The following TMEM132B variants were observed in gnomAD, a reference collection of about 807,000 sequenced individuals.
The protein encoded by TMEM132B is transmembrane protein 132B.
In TMEM132B, 18 loss-of-function variants were observed where a neutral mutation model predicts 90.8. The observed-to-expected ratio is 0.20, with a 90% CI of 0.14 to 0.29. The LOEUF (loss-of-function observed/expected upper bound fraction) is 0.29. Ranked by LOEUF, TMEM132B falls within the 10% of genes least tolerant of loss-of-function variation. The pLI is 1.00. For missense variants in TMEM132B, 1,096 were observed against 1,326.8 expected (o/e 0.83, Z 2.70); for synonymous variants, 504 against 523.3 (o/e 0.96, Z 0.50).
intron 3 of TMEM132B, among the ~76,000 whole-genome samples, chr12:125,457,852 G>A (rs1045439593): frequency 6.6e-6 from 1 of 152,216 alleles, no homozygotes; most frequent in African/African-American, 2.4e-5. Context: ...AAGGCCACAG[G>A]TGTACATGTC....
intron 4 of TMEM132B, among the ~76,000 whole-genome samples, chr12:125,560,831 CAAAAA>C (rs58083131): frequency 5.8e-3 from 169 of 29,242 alleles, no homozygotes; most frequent in African/African-American, 0.03. Context: ...GACTCTGTCT[CAAAAA>C]AAAAAAAAAA....
chr12:125,278,897 T>A (rs1301696506), intron 1 of TMEM132B, among the ~76,000 whole-genome samples: 1 of 152,092 alleles, frequency 6.6e-6, no homozygotes, highest in African/African-American at 2.4e-5. Context: ...CTGAAGACCC[T>A]CTAAGAGGCA....
At chr12:125,264,545 G>A (rs1874642430) in intron 1 of TMEM132B, among the ~76,000 whole-genome samples, 1 of 152,176 alleles carries the variant, frequency 6.6e-6, no homozygotes, top group Admixed American at 6.5e-5. Flanking sequence ...GAGTGTTGAT[G>A]GGGGATGGAC....
chr12:125,564,202 C>T (rs1393237714), intron 4 of TMEM132B, among the ~76,000 whole-genome samples: 2 of 152,152 alleles, frequency 1.3e-5, no homozygotes, highest in African/African-American at 2.4e-5. Flanking sequence ...GGCAACACAG[C>T]GGTTACTTTG....
At chr12:125,258,318 A>G (rs925977666) in intron 1 of TMEM132B, among the ~76,000 whole-genome samples, 5 of 152,192 alleles carry the variant, frequency 3.3e-5, no homozygotes. Context: ...GACAGAGTAC[A>G]GTGGAGGTGA....
chr12:125,500,368 T>A (rs532272922), intron 3 of TMEM132B, among the ~76,000 whole-genome samples: 1 of 152,340 alleles, frequency 6.6e-6, no homozygotes, highest in South Asian at 2.1e-4. Flanking sequence ...GCCTCCTGGC[T>A]TCTACCCACT....
chr12:125,346,624 CA>C (rs1442530991), intron 1 of TMEM132B, among the ~76,000 whole-genome samples: 1 of 152,170 alleles, frequency 6.6e-6, no homozygotes, highest in African/African-American at 2.4e-5. Context: ...CATTGCTCGA[CA>C]TTGTCAAAAT....
chr12:125,393,239 A>G (rs1010932344), intron 2 of TMEM132B, among the ~76,000 whole-genome samples: 1 of 152,230 alleles, frequency 6.6e-6, no homozygotes, highest in Non-Finnish European at 1.5e-5. Context: ...TGAGAAGTGC[A>G]TATTGAGCAT....
At chr12:125,488,963 C>A (rs10773168) in intron 3 of TMEM132B, among the ~76,000 whole-genome samples, 121,821 of 152,258 alleles carry the variant, frequency 0.8, 49,131 homozygotes, top group Middle Eastern at 0.94. Flanking sequence ...TAAAGATCTT[C>A]GGAATAAGGC....
intron 5 of TMEM132B, among the ~76,000 whole-genome samples, chr12:125,614,047 C>T (rs1885926666): frequency 6.6e-6 from 1 of 152,002 alleles, no homozygotes; most frequent in African/African-American, 2.4e-5. Flanking sequence ...GATTTTAAAG[C>T]AGTTAAGAAA....
chr12:125,505,232 A>C (rs985212463), intron 3 of TMEM132B, among the ~76,000 whole-genome samples: 1 of 150,592 alleles, frequency 6.6e-6, no homozygotes, highest in Non-Finnish European at 1.5e-5. Flanking sequence ...GACCCAGATA[A>C]TGGAATTATC....
In TMEM132B at chr12:125,415,390, A is replaced by C; in HGVS notation, c.960-141A>C. ...TTTTAAAGGAAAGCCACTTGCCACC[A>C]CTCTCCCCCACATCTCCCAGAGGAA... is the stretch of plus-strand genomic sequence containing the variant. On this transcript the variant is annotated intron_variant, in intron 2 of 8. Transcript: ENST00000682704. The surrounding 1 kb of genome is among the most constrained non-coding windows in gnomAD (Gnocchi z 5.3). The C allele has an allele frequency of 9.3e-7, 1 of 1,077,994 alleles. No homozygotes were observed. The highest frequency in any genetic ancestry group is 1.3e-6 in the Non-Finnish European group (1 of 772,696). 66.8% of individuals were successfully genotyped at this position (1,077,994 alleles called of 1,614,324 possible). A position where few individuals can be genotyped will look rare whatever the true frequency, so the allele number is the denominator to read the frequency against.
intron 1 of TMEM132B, among the ~76,000 whole-genome samples, chr12:125,229,886 C>T (rs1053573661): frequency 6.6e-6 from 1 of 152,240 alleles, no homozygotes; most frequent in African/African-American, 2.4e-5. Context: ...ATTAATCATT[C>T]CTCTCATAAT....
rs759306354 is a variant in TMEM132B at position 125,349,716 on chromosome 12, C to T, written c.332C>T (p.Thr111Ile). The T allele has an allele frequency of 1.9e-6, 3 of 1,614,124 alleles. No homozygotes were observed. The highest frequency in any genetic ancestry group is 2.5e-6 in the Non-Finnish European group (3 of 1,180,056). The change falls in exon 2 of 9, where the codon ACA becomes ATA. Residue 111 changes from threonine to isoleucine, a missense_variant. Thr to Ile is a moderately conservative substitution (Grantham distance 89). Transcript: ENST00000682704. This position sits in a 1 kb window ranked among gnomAD's most constrained non-coding sequence, Gnocchi z 4.1. Reference protein sequence around the residue: ...IIPQELLLTSTAFGNMDKFPF... With the variant: ...IIPQELLLTSIAFGNMDKFPF... Reference sequence around the variant, plus strand: ...CCCCAGGAGCTCCTGTTGACATCTACAGCCTTTGGAAACATGGACAAATTT... The same window carrying T: ...CCCCAGGAGCTCCTGTTGACATCTATAGCCTTTGGAAACATGGACAAATTT...
intron 5 of TMEM132B, chr12:125,588,166 T>C (rs1885225404): frequency 6.6e-6 from 1 of 152,236 alleles, no homozygotes; most frequent in South Asian, 2.1e-4. Context: ...CTAAAGATCC[T>C]GACTCCACCT....
chr12:125,401,600 A>C (rs1879323689), intron 2 of TMEM132B, among the ~76,000 whole-genome samples: 1 of 152,150 alleles, frequency 6.6e-6, no homozygotes, highest in South Asian at 2.1e-4. Flanking sequence ...GACGAGAAGG[A>C]ATGTGCTGTT....
Position 125,406,685 on chromosome 12 carries a change from C to T in TMEM132B, c.960-8846C>T, listed in dbSNP as rs568566206. On this transcript the variant is annotated intron_variant, in intron 2 of 8. Transcript: ENST00000682704. This position sits in a 1 kb window ranked among gnomAD's most constrained non-coding sequence, Gnocchi z 8.3. ...TTCCTTCTCCAACCCCCGCCCATGG[C>T]AGACAGTGAAAGACTTGACCCACCC... Among the ~76,000 whole-genome samples the T allele has an allele frequency of 3.4e-4, 51 of 152,236 alleles. No individual in the cohort carries two copies. Among genetic ancestry groups the T allele is most frequent in the Non-Finnish European group, 5.6e-4 (38 of 68,022 alleles).
intron 1 of TMEM132B, among the ~76,000 whole-genome samples, chr12:125,292,111 A>G (rs764564937): frequency 2.6e-5 from 4 of 152,240 alleles, no homozygotes; most frequent in Non-Finnish European, 5.9e-5. Context: ...GAGAAGAACT[A>G]AAATAGCTCA....
At chr12:125,647,649 G>T (rs1886799752) in intron 6 of TMEM132B, among the ~76,000 whole-genome samples, 1 of 152,174 alleles carries the variant, frequency 6.6e-6, no homozygotes, top group African/African-American at 2.4e-5. Context: ...ACAAAAGTTG[G>T]AGAGTTTGTT....
Sources: gnomAD v4.1 joint callset for allele counts (sites outside exome capture counted in the v4.1 genomes callset) on GRCh38, gnomAD v4.1.1 for gene constraint, Gnocchi (gnomAD v3.1) non-coding constraint, MANE v1.5 for transcripts, NCBI Gene and HGNC (gene_info 2026-07-23, HGNC 2026-07-21) for gene names.